The following MMRN1 variants were observed in gnomAD, a reference collection of about 807,000 sequenced individuals.
MMRN1 encodes the protein multimerin-1.
A neutral mutation model predicts 100.7 loss-of-function variants in MMRN1; 94 were observed. That is an observed-to-expected ratio of 0.93 (90% CI 0.79 to 1.11). MMRN1 has a LOEUF of 1.11. Ranked by LOEUF, MMRN1 falls within the 50% of genes least tolerant of loss-of-function variation. MMRN1 has a pLI of 0.00. For synonymous variants in MMRN1, 575 were observed against 505.0 expected, an observed-to-expected ratio of 1.14 and a Z score of -1.86; for missense variants, 1,606 against 1,439.1, an observed-to-expected ratio of 1.12 and a Z score of -1.88.
chr4:89,942,539 T>C (rs1722866114), intron 6 of MMRN1, among the ~76,000 whole-genome samples: 1 of 152,080 alleles, frequency 6.6e-6, no homozygotes, highest in Admixed American at 6.6e-5. Context: ...AAAAACATAC[T>C]TTAAGTTTTT....
intron 3 of MMRN1, among the ~76,000 whole-genome samples, chr4:89,913,370 T>C (rs1721814785): frequency 6.6e-6 from 1 of 151,364 alleles, no homozygotes; most frequent in Admixed American, 6.6e-5. Context: ...ACACATCTTA[T>C]TAGTAGACAT....
chr4:89,926,392 C>G (rs1722263691), intron 4 of MMRN1, among the ~76,000 whole-genome samples: 1 of 152,116 alleles, frequency 6.6e-6, no homozygotes, highest in Admixed American at 6.6e-5. Flanking sequence ...ATGTTAAGCA[C>G]CTTTTTATAT....
chr4:89,921,153 C>G (rs548551071), intron 3 of MMRN1, among the ~76,000 whole-genome samples: 1 of 147,834 alleles, frequency 6.8e-6, no homozygotes, highest in East Asian at 2.1e-4. Flanking sequence ...TTCAAATGCA[C>G]CAGCTCTTTT....
intron 1 of MMRN1, among the ~76,000 whole-genome samples, chr4:89,886,622 A>G (rs1428755934): frequency 6.6e-6 from 1 of 152,150 alleles, no homozygotes; most frequent in Non-Finnish European, 1.5e-5. Flanking sequence ...CTACTAAAGG[A>G]AGGATGTTAA....
rs1722575331 is a variant in MMRN1, at chr4:89,935,297, C to A, written c.1617C>A (p.Ser539Arg). ...QKNAPAAESV[S>R]NNVTEYMSTL... The stretch of plus-strand genomic sequence containing the variant: ...ATGCTCCAGCTGCTGAGTCAGTTAG[C>A]AATAATGTCACTGAGTACATGTCTA... Residue 539 changes from serine to arginine, a missense_variant, in exon 6 of 8, where the codon AGC becomes AGA. Ser to Arg is a moderately radical substitution (Grantham distance 110). Transcript: ENST00000264790. 6.2e-7 allele frequency: 1 copy of A among 1,613,528 alleles called. No homozygotes were observed. Among genetic ancestry groups the A allele is most frequent in the African/African-American group, 1.3e-5 (1 of 74,862 alleles).
chr4:89,937,085 T>C (rs1722670904), intron 6 of MMRN1, among the ~76,000 whole-genome samples: 1 of 152,118 alleles, frequency 6.6e-6, no homozygotes, highest in Admixed American at 6.6e-5. Flanking sequence ...TGGAACAATT[T>C]GCTTTGCACA....
intron 6 of MMRN1, among the ~76,000 whole-genome samples, chr4:89,938,126 A>G (rs934134679): frequency 1.3e-5 from 2 of 151,950 alleles, no homozygotes; most frequent in Non-Finnish European, 2.9e-5. Context: ...TTCATATTTA[A>G]TGTATGAATG....
chr4:89,904,358 T>C (rs182837912), intron 1 of MMRN1, among the ~76,000 whole-genome samples: 24 of 151,948 alleles, frequency 1.6e-4, no homozygotes, highest in African/African-American at 5.8e-4. Flanking sequence ...TCACATTGTT[T>C]TGCAGTCATC....
intron 4 of MMRN1, among the ~76,000 whole-genome samples, chr4:89,923,725 A>T (rs1347551745): frequency 6.6e-6 from 1 of 152,112 alleles, no homozygotes; most frequent in Non-Finnish European, 1.5e-5. Context: ...ATCAACAAGA[A>T]CCTCCTGCTG....
In MMRN1 at chr4:89,943,545, T is replaced by C. The variant is rs546267702; in HGVS notation, c.3118+6747T>C. 1.9e-3 allele frequency among the ~76,000 whole-genome samples: 293 copies of C among 152,330 alleles called. 2 individuals carry two copies. The highest frequency in any genetic ancestry group is 6.3e-3 in the African/African-American group (264 of 41,584). ...GTTTTTGTTTTAGGACCCAAATGAA[T>C]TATTTTTAGAATTATGAGTATTATT... On this transcript the variant is annotated intron_variant, in intron 6 of 7. Transcript: ENST00000264790.
chr4:89,917,640 G>C (rs770859384), intron 3 of MMRN1, among the ~76,000 whole-genome samples: 1 of 151,744 alleles, frequency 6.6e-6, no homozygotes, highest in African/African-American at 2.4e-5. Flanking sequence ...TATTGATGTC[G>C]TCTTTCTTTT....
intron 1 of MMRN1, among the ~76,000 whole-genome samples, chr4:89,905,748 A>C (rs753850300): frequency 2.0e-5 from 3 of 151,566 alleles, no homozygotes; most frequent in Non-Finnish European, 4.4e-5. Context: ...CCCAGAAACA[A>C]AATCTTCTCC....
intron 1 of MMRN1, among the ~76,000 whole-genome samples, chr4:89,905,367 A>G (rs997960884): frequency 6.6e-6 from 1 of 151,462 alleles, no homozygotes; most frequent in African/African-American, 2.4e-5. Flanking sequence ...TTCTCTTATG[A>G]GGGATCAATA....
chr4:89,882,200 C>T (rs550891563), intron 1 of MMRN1, among the ~76,000 whole-genome samples: 211 of 151,746 alleles, frequency 1.4e-3, no homozygotes, highest in African/African-American at 5.0e-3. Flanking sequence ...ATTTGGATTG[C>T]TATTCAACTA....
intron 6 of MMRN1, among the ~76,000 whole-genome samples, chr4:89,940,454 T>C (rs1178585919): frequency 1.4e-4 from 21 of 152,118 alleles, no homozygotes; most frequent in African/African-American, 4.8e-5. Context: ...TGTGAATATA[T>C]GCTATTTAAA....
Position 89,936,769 on chromosome 4 carries a change from A to C in MMRN1, c.3089A>C (p.Gln1030Pro), listed in dbSNP as rs773010489. 6.2e-7 allele frequency: 1 copy of C among 1,602,158 alleles called. No individual in the cohort carries two copies. The highest frequency in any genetic ancestry group is 1.3e-5 in the African/African-American group (1 of 74,104). Residue 1030 changes from glutamine (Q) to proline (P), a missense_variant, in exon 6 of 8, where the codon CAA (glutamine) becomes CCA (proline). Transcript: ENST00000264790. ...ACCACAGTCCTGATAGGCCGGACTC[A>C]AAGAAACACGGACAACATAATATAT... ...NLTTVLIGRT[Q>P]RNTDNIIYPE...
intron 1 of MMRN1, among the ~76,000 whole-genome samples, chr4:89,886,353 T>C (rs1720937240): frequency 1.3e-5 from 2 of 152,178 alleles, no homozygotes; most frequent in African/African-American, 2.4e-5. Flanking sequence ...TATTTAGGGA[T>C]TTTTAACGCT....
chr4:89,888,430 T>G (rs749336853), intron 1 of MMRN1, among the ~76,000 whole-genome samples: 50 of 151,256 alleles, frequency 3.3e-4, no homozygotes, highest in Middle Eastern at 6.8e-3. Flanking sequence ...TTCCCCTTTA[T>G]GTGATATGGC....
chr4:89,923,044 A>G, intron 3 of MMRN1, 124 bp from the exon 4 acceptor site: 1 of 753,428 alleles, frequency 1.3e-6, no homozygotes, highest in Non-Finnish European at 2.3e-6. Flanking sequence ...CTCTGCAATC[A>G]TCCCCGACCA....
Sources: allele counts gnomAD v4.1 joint callset (sites outside exome capture counted in the v4.1 genomes callset), GRCh38; gene constraint gnomAD v4.1.1; transcripts MANE v1.5; gene names NCBI Gene and HGNC (gene_info 2026-07-23, HGNC 2026-07-21).